The following NELL1 variants were observed in gnomAD, a reference collection of about 807,000 sequenced individuals.
The protein encoded by NELL1 is neural EGFL like 1.
In NELL1, 76 loss-of-function variants were observed where a neutral mutation model predicts 107.4. The ratio of observed to expected loss-of-function variants is 0.71; its 90% CI spans 0.59 to 0.86. The LOEUF (loss-of-function observed/expected upper bound fraction) is 0.86. Ranked by LOEUF, NELL1 falls within the 40% of genes least tolerant of loss-of-function variation. The pLI, the probability that NELL1 is intolerant of heterozygous loss-of-function variation, is 0.00. For synonymous variants in NELL1, 353 were observed against 341.2 expected, an observed-to-expected ratio of 1.03 and a Z score of -0.38; for missense variants, 1,024 against 1,005.5, an observed-to-expected ratio of 1.02 and a Z score of -0.25.
At chr11:20,747,164 G>A (rs1314657081) in intron 2 of NELL1, among the ~76,000 whole-genome samples, 1 of 152,204 alleles carries the variant, frequency 6.6e-6, no homozygotes, top group South Asian at 2.1e-4. Flanking sequence ...TATTTAAATA[G>A]TGAGAAAATG....
At chr11:21,403,641 C>T (rs1343084235) in intron 15 of NELL1, among the ~76,000 whole-genome samples, 1 of 151,366 alleles carries the variant, frequency 6.6e-6, no homozygotes, top group Non-Finnish European at 1.5e-5. Context: ...AATTGGCTCT[C>T]ACTGCACTAA....
chr11:21,373,410 T>A (rs750974069), intron 15 of NELL1, among the ~76,000 whole-genome samples: 1 of 152,128 alleles, frequency 6.6e-6, no homozygotes, highest in South Asian at 2.1e-4. Flanking sequence ...GAATTGTGAA[T>A]GTCTTGTGGC....
intron 10 of NELL1, among the ~76,000 whole-genome samples, chr11:20,945,642 C>G (rs1026778601): frequency 1.3e-5 from 2 of 152,184 alleles, no homozygotes; most frequent in African/African-American, 4.8e-5. Context: ...AGTAATTCAG[C>G]ATTGTGATTT....
chr11:20,857,068 G>A (rs1205699583), intron 4 of NELL1, among the ~76,000 whole-genome samples: 1 of 152,122 alleles, frequency 6.6e-6, no homozygotes, highest in African/African-American at 2.4e-5. Context: ...CGCTATTATT[G>A]TTTGTAAAAG....
chr11:21,391,859 GCCACTT>G (rs1159309738), intron 15 of NELL1, among the ~76,000 whole-genome samples: 5 of 151,754 alleles, frequency 3.3e-5, no homozygotes, highest in Admixed American at 1.3e-4. Context: ...TTTTCAGAGT[GCCACTT>G]ATGAAAAGTT....
intron 13 of NELL1, among the ~76,000 whole-genome samples, chr11:21,137,689 A>G (rs1219055638): frequency 6.6e-6 from 1 of 152,220 alleles, no homozygotes; most frequent in Non-Finnish European, 1.5e-5. Flanking sequence ...AAAGCAGAAT[A>G]AAGATGCTTA....
intron 13 of NELL1, among the ~76,000 whole-genome samples, chr11:21,114,156 T>C (rs1218566223): frequency 6.6e-6 from 1 of 152,024 alleles, no homozygotes; most frequent in Non-Finnish European, 1.5e-5. Flanking sequence ...TTTAGGTATA[T>C]GGGAGCTGGT....
intron 13 of NELL1, among the ~76,000 whole-genome samples, chr11:21,114,304 T>G (rs1330482561): frequency 6.6e-6 from 1 of 151,996 alleles, no homozygotes; most frequent in Non-Finnish European, 1.5e-5. Flanking sequence ...CCAGTATATT[T>G]TCAATCATGT....
intron 12 of NELL1, among the ~76,000 whole-genome samples, chr11:21,088,294 C>G (rs1274201834): frequency 6.6e-6 from 1 of 152,034 alleles, no homozygotes; most frequent in Non-Finnish European, 1.5e-5. Context: ...TGACAGAGTG[C>G]CTCTGTATTG....
At chr11:21,458,893 C>T (rs557098042) in intron 15 of NELL1, among the ~76,000 whole-genome samples, 1 of 151,596 alleles carries the variant, frequency 6.6e-6, no homozygotes, top group South Asian at 2.1e-4. Context: ...TCATCACCAT[C>T]ACCATCATCA....
At chr11:21,180,099 C>G (rs1281538068) in intron 13 of NELL1, among the ~76,000 whole-genome samples, 1 of 151,328 alleles carries the variant, frequency 6.6e-6, no homozygotes, top group Admixed American at 6.6e-5. Flanking sequence ...CTGGATTTGC[C>G]CCCCATGCCA....
rs2133624776 is a variant in NELL1, at chr11:21,301,862, T to C, written c.1550-68991T>C. On this transcript the variant is annotated intron_variant, in intron 14 of 19. Transcript: ENST00000357134. The stretch of plus-strand genomic sequence containing the variant: ...AGCTAAGGATTTGGGGGATATTTAA[T>C]AATGTAGCATTATTTCTTTTAATCC... Among the ~76,000 whole-genome samples, 4 of 152,204 alleles carry C rather than the reference T, an allele frequency of 2.6e-5. 1 individual carries two copies. The Middle Eastern group carries it at 0.014, about 518-fold the overall frequency.
chr11:20,893,893 A>G (rs913612859), intron 5 of NELL1, among the ~76,000 whole-genome samples: 2 of 151,888 alleles, frequency 1.3e-5, no homozygotes, highest in Non-Finnish European at 2.9e-5. Flanking sequence ...CAAACTAAAC[A>G]TGAGAAGGCT....
chr11:20,713,765 C>T (rs904809950), intron 2 of NELL1, among the ~76,000 whole-genome samples: 1 of 152,202 alleles, frequency 6.6e-6, no homozygotes, highest in African/African-American at 2.4e-5. Context: ...TCATTGCCTT[C>T]TTTAAGGATG....
intron 12 of NELL1, among the ~76,000 whole-genome samples, chr11:21,099,493 G>A (rs377379586): frequency 6.6e-6 from 1 of 152,164 alleles, no homozygotes; most frequent in Non-Finnish European, 1.5e-5. Flanking sequence ...ACCAACTTGA[G>A]GAGACGCTGG....
At chr11:21,387,015 C>T (rs1851762463) in intron 15 of NELL1, among the ~76,000 whole-genome samples, 1 of 151,794 alleles carries the variant, frequency 6.6e-6, no homozygotes, top group Admixed American at 6.6e-5. Context: ...ATCCTTCACC[C>T]CACATTGCTC....
At position 21,370,756 on chromosome 11, in the gene NELL1, T is replaced by A; in HGVS notation, c.1550-97T>A. 3 of 870,096 alleles carry A rather than the reference T, an allele frequency of 3.4e-6. No homozygotes were observed. In the South Asian group the frequency reaches 4.4e-5, roughly 13 times the overall value. The allele number at this position is 870,096 out of a possible 1,614,324, so 53.9% of individuals were successfully genotyped here. On this transcript the variant is annotated intron_variant, in intron 14 of 19. Coordinates refer to ENST00000357134, the MANE Select transcript of NELL1 (RefSeq NM_006157.5). Reference sequence around the variant, plus strand: ...TATCAATACAGATGTGTATTCCCTATGCAACAAAGAAAGAATTGCTTCAGT... The same window carrying A: ...TATCAATACAGATGTGTATTCCCTAAGCAACAAAGAAAGAATTGCTTCAGT...
intron 15 of NELL1, among the ~76,000 whole-genome samples, chr11:21,433,282 T>G (rs1041588004): frequency 6.6e-6 from 1 of 152,178 alleles, no homozygotes; most frequent in Non-Finnish European, 1.5e-5. Flanking sequence ...CATCTGCTGA[T>G]GGGCATGTGG....
intron 14 of NELL1, among the ~76,000 whole-genome samples, chr11:21,265,701 G>A (rs1848621081): frequency 6.6e-6 from 1 of 151,960 alleles, no homozygotes; most frequent in Non-Finnish European, 1.5e-5. Context: ...TTGCATTAAG[G>A]CAAATCTTTG....
Sources: allele counts gnomAD v4.1 joint callset (sites outside exome capture counted in the v4.1 genomes callset), GRCh38; gene constraint gnomAD v4.1.1; transcripts MANE v1.5; gene names NCBI Gene and HGNC (gene_info 2026-07-23, HGNC 2026-07-21).